CLNK: variants seen among roughly 807,000 people sequenced by gnomAD.
The protein encoded by CLNK is cytokine-dependent hematopoietic cell linker.
CLNK carries 74 observed loss-of-function variants against 68.6 expected under a neutral mutation model. That is an observed-to-expected ratio of 1.08 (90% confidence interval 0.89 to 1.31). CLNK has a LOEUF of 1.31. CLNK is among the 50% of genes most tolerant of loss of function. CLNK has a pLI of 0.00. For missense variants in CLNK, 553 were observed against 515.3 expected (o/e 1.07, Z -0.71); for synonymous variants, 198 against 172.2 (o/e 1.15, Z -1.17).
chr4:10,540,586 C>T lies in CLNK; in HGVS notation c.510G>A (p.Pro170=), dbSNP rs768833393. ...LPPPRPLITL[P]KKYQPLPPEP... ...CAGGGGGCAAGGGTTGGTACTTCTT[C>T]GGAAGTGTTATGAGAGGCCTGTGTG... The change falls in exon 11 of 19, where the codon CCG becomes CCA. Residue 170 remains proline, a synonymous_variant. Transcript: ENST00000226951. The T allele has an allele frequency of 3.0e-5, 48 of 1,613,474 alleles. No individual in the cohort carries two copies. The highest frequency in any genetic ancestry group is 3.6e-5 in the Non-Finnish European group (42 of 1,179,642).
At chr4:10,542,672 G>GTA (rs1719082148) in intron 8 of CLNK, among the ~76,000 whole-genome samples, 1 of 148,852 alleles carries the variant, frequency 6.7e-6, no homozygotes, top group Non-Finnish European at 1.5e-5. Context: ...GTGTGTGTGT[G>GTA]TGTGTGTGTG....
the CLNK span, among the ~76,000 whole-genome samples, chr4:10,726,116 C>T: frequency 6.6e-6 from 1 of 152,110 alleles, no homozygotes; most frequent in Non-Finnish European, 1.5e-5. Context: ...TCTTTGATAT[C>T]CCGTGGCTTC....
chr4:10,662,532 C>A (rs1254154846), intron 2 of CLNK, among the ~76,000 whole-genome samples: 1 of 152,172 alleles, frequency 6.6e-6, no homozygotes, highest in Admixed American at 6.6e-5. Flanking sequence ...GCTACAAAAA[C>A]CTTTCAGTAT....
intron 1 of CLNK, among the ~76,000 whole-genome samples, chr4:10,671,808 T>G (rs1452190893): frequency 6.6e-6 from 1 of 152,190 alleles, no homozygotes; most frequent in Non-Finnish European, 1.5e-5. Context: ...AAGGAAATAA[T>G]GTATACCCTG....
intron 8 of CLNK, among the ~76,000 whole-genome samples, chr4:10,557,626 G>A (rs76842882): frequency 0.011 from 1,677 of 152,248 alleles, 33 homozygotes; most frequent in East Asian, 0.056. Flanking sequence ...CAATCACCTG[G>A]TAAGTAGTTT....
In CLNK at chr4:10,535,213, GAGAAAGAAAGAAAGAAAGAAAGAAAGAA is replaced by G. The variant is rs57053319; in HGVS notation, c.603-2958_603-2931del. On this transcript the variant is annotated intron_variant, in intron 11 of 18. Coordinates refer to ENST00000226951, the MANE Select transcript of CLNK (RefSeq NM_052964.4). ...TACTTAAAAAAAAGAAAGAAAGAAA[GAGAAAGAAAGAAAGAAAGAAAGAAAGAA>G]AGAAAGAAAGAAAGAAAGAAAGAAA... is the stretch of plus-strand genomic sequence containing the variant. Among the ~76,000 whole-genome samples the G allele has an allele frequency of 3.4e-4, 45 of 131,392 alleles. No individual in the cohort carries two copies. In the East Asian group the frequency reaches 4.5e-3, roughly 13 times the overall value. 86.2% of individuals were successfully genotyped at this position (131,392 alleles called of 152,430 possible). A position where few individuals can be genotyped will look rare whatever the true frequency, so the allele number is the denominator to read the frequency against.
chr4:10,697,262 C>G, the CLNK span: 1 of 152,186 alleles, frequency 6.6e-6, no homozygotes, highest in East Asian at 1.9e-4. Flanking sequence ...CCTTCTCTCA[C>G]CCCAAAGTTA....
chr4:10,720,609 A>G, the CLNK span, among the ~76,000 whole-genome samples: 16 of 149,912 alleles, frequency 1.1e-4, no homozygotes, highest in Non-Finnish European at 2.1e-4. Context: ...CTACTGTACT[A>G]TGAAAACGTA....
At chr4:10,624,173 A>T (rs548133970) in intron 2 of CLNK, among the ~76,000 whole-genome samples, 2 of 152,372 alleles carry the variant, frequency 1.3e-5, no homozygotes, top group South Asian at 4.1e-4. Context: ...AGATGCTGGA[A>T]TAGGTAAGCA....
chr4:10,700,224 G>C, the CLNK span, among the ~76,000 whole-genome samples: 4 of 152,152 alleles, frequency 2.6e-5, no homozygotes, highest in Non-Finnish European at 5.9e-5. Flanking sequence ...TAGGATAAAT[G>C]AAATAGGCTA....
the CLNK span, among the ~76,000 whole-genome samples, chr4:10,719,782 C>T: frequency 2.0e-5 from 3 of 152,194 alleles, no homozygotes; most frequent in African/African-American, 7.2e-5. Context: ...TCTCAAGTGT[C>T]CATAGAACAT....
At chr4:10,712,652 A>G in the CLNK span, among the ~76,000 whole-genome samples, 1 of 152,344 alleles carries the variant, frequency 6.6e-6, no homozygotes, top group East Asian at 1.9e-4. Flanking sequence ...GCAACCAGCC[A>G]CTGTTTCTTA....
intron 2 of CLNK, among the ~76,000 whole-genome samples, chr4:10,642,203 G>T (rs1723333552): frequency 1.3e-5 from 2 of 152,122 alleles, no homozygotes; most frequent in African/African-American, 4.8e-5. Flanking sequence ...ACTATTTTCA[G>T]CATACACTGC....
the CLNK span, among the ~76,000 whole-genome samples, chr4:10,723,430 G>A: frequency 3.8e-4 from 58 of 152,218 alleles, no homozygotes; most frequent in South Asian, 2.5e-3. Flanking sequence ...TTAACTCAGA[G>A]GAACTTGTGG....
chr4:10,682,148 T>C lies in CLNK; in HGVS notation c.-43+2520A>G, dbSNP rs571065267. On this transcript the variant is annotated intron_variant, in intron 1 of 18. Coordinates refer to ENST00000226951, the MANE Select transcript of CLNK (RefSeq NM_052964.4). ...GTGTGTGTGTATGTGTGTGTGTGTGTGTGTGATTTTTTCGTTATTGCTGAT... is the reference window on the plus strand; with the variant it reads ...GTGTGTGTGTATGTGTGTGTGTGTGCGTGTGATTTTTTCGTTATTGCTGAT... Among the ~76,000 whole-genome samples the C allele has an allele frequency of 5.3e-5, 8 of 152,144 alleles. No homozygotes were observed. The East Asian group carries it at 1.5e-3, about 29-fold the overall frequency.
chr4:10,689,365 T>A (rs6828818), upstream of CLNK, among the ~76,000 whole-genome samples: 2 of 152,100 alleles, frequency 1.3e-5, no homozygotes, highest in East Asian at 3.9e-4. Context: ...AAACTCCTGG[T>A]CTCAAGCAAT....
In CLNK at chr4:10,564,865, T is replaced by C. The variant is rs114955321; in HGVS notation, c.293-88A>G. The C allele has an allele frequency of 3.3e-3, 2,694 of 804,864 alleles. 7 individuals are homozygous for C. The highest frequency in any genetic ancestry group is 5.1e-3 in the Non-Finnish European group (2,407 of 468,226). 49.9% of individuals were successfully genotyped at this position (804,864 alleles called of 1,614,324 possible). A position where few individuals can be genotyped will look rare whatever the true frequency, so the allele number is the denominator to read the frequency against. On this transcript the variant is annotated intron_variant, in intron 6 of 18. Transcript: ENST00000226951. ...AAGTATTTGCACATCTACAAACTCA[T>C]TGGATCATTACAACGTAAGTAAGAG...
intron 2 of CLNK, among the ~76,000 whole-genome samples, chr4:10,626,857 T>C (rs2108865630): frequency 6.6e-6 from 1 of 152,358 alleles, no homozygotes; most frequent in Non-Finnish European, 1.5e-5. Flanking sequence ...CTCCTGGTTC[T>C]GCCTTTCACT....
chr4:10,662,591 A>C (rs1159664822), intron 2 of CLNK, among the ~76,000 whole-genome samples: 4 of 152,230 alleles, frequency 2.6e-5, no homozygotes, highest in African/African-American at 7.2e-5. Flanking sequence ...GAGAAACCTT[A>C]TTTAAGTCAT....
Sources: allele counts gnomAD v4.1 joint callset (sites outside exome capture counted in the v4.1 genomes callset), GRCh38; gene constraint gnomAD v4.1.1; transcripts MANE v1.5; gene names NCBI Gene and HGNC (gene_info 2026-07-23, HGNC 2026-07-21).